The following HTRA1 variants were observed in gnomAD, a reference collection of about 807,000 sequenced individuals.
HTRA1 encodes HtrA serine peptidase 1.
A neutral mutation model predicts 49.7 loss-of-function variants in HTRA1; 26 were observed. That is an observed-to-expected ratio of 0.52 (90% CI 0.38 to 0.73). HTRA1 has a LOEUF of 0.73. Among genes scored for constraint, HTRA1 ranks in the 30% least tolerant of loss-of-function variants. HTRA1 has a pLI of 0.00. For missense variants in HTRA1, 561 were observed against 667.2 expected, an observed-to-expected ratio of 0.84 and a Z score of 1.75; for synonymous variants, 291 against 286.9, an observed-to-expected ratio of 1.01 and a Z score of -0.14.
At position 122,514,413 on chromosome 10, in the gene HTRA1, C is replaced by T. The variant is rs750236715; in HGVS notation, c.*54C>T. The T allele has an allele frequency of 7.9e-5, 123 of 1,559,408 alleles. No homozygotes were observed. Among genetic ancestry groups the T allele is most frequent in the South Asian group, 1.4e-4 (13 of 89,714 alleles). ...CCCTCAAAGACTCTCCCGTGGATGA[C>T]GGATGAGGACTCTGGGCTGCTGGAA... is the stretch of plus-strand genomic sequence containing the variant. On this transcript the variant is annotated 3_prime_UTR_variant, in exon 9 of 9. Coordinates refer to ENST00000368984, the MANE Select transcript of HTRA1 (RefSeq NM_002775.5).
Position 122,506,908 on chromosome 10 carries a change from G to A in HTRA1, c.972+23G>A. 1 of 1,607,806 alleles carries A rather than the reference G, an allele frequency of 6.2e-7. No homozygotes were observed. On this transcript the variant is annotated intron_variant, in intron 4 of 8. Coordinates refer to ENST00000368984, the MANE Select transcript of HTRA1 (RefSeq NM_002775.5). This position sits in a 1 kb window ranked among gnomAD's most constrained non-coding sequence, Gnocchi z 5.2. ...AACGTGAGCCTCTGTCCCTCTGCGG[G>A]TGGGGATTGGGGCAGAGTTTTGCCA...
Position 122,480,486 on chromosome 10 carries a change from G to C in HTRA1, c.473-8416G>C, listed in dbSNP as rs372211464. Among the ~76,000 whole-genome samples the C allele has an allele frequency of 5.9e-5, 9 of 152,316 alleles. No homozygotes were observed. In the South Asian group the frequency reaches 1.7e-3, roughly 28 times the overall value. Reference sequence around the variant, plus strand: ...CCAGTGTGGGGAGAGAGCTGGCCTGGGAGTCTAATGGGAATGCCAGGGAAA... The same window carrying C: ...CCAGTGTGGGGAGAGAGCTGGCCTGCGAGTCTAATGGGAATGCCAGGGAAA... On this transcript the variant is annotated intron_variant, in intron 1 of 8. Transcript: ENST00000368984.
At chr10:122,470,662 T>G (rs1310273670) in intron 1 of HTRA1, among the ~76,000 whole-genome samples, 1 of 151,696 alleles carries the variant, frequency 6.6e-6, no homozygotes, top group Non-Finnish European at 1.5e-5. Flanking sequence ...AGCACTGAAG[T>G]CCAATGATAC....
At chr10:122,495,233 T>C (rs1325773410) in intron 3 of HTRA1, among the ~76,000 whole-genome samples, 1 of 152,236 alleles carries the variant, frequency 6.6e-6, no homozygotes, top group Non-Finnish European at 1.5e-5. Context: ...TCTGTGTTTT[T>C]CCATTTTGGA....
At chr10:122,482,456 G>A (rs1189149095) in intron 1 of HTRA1, among the ~76,000 whole-genome samples, 3 of 152,136 alleles carry the variant, frequency 2.0e-5, no homozygotes, top group African/African-American at 7.2e-5. Flanking sequence ...TAGAAAACCT[G>A]AAATATCGAT....
Position 122,506,594 on chromosome 10 carries a change from C to A in HTRA1, c.778-97C>A. On this transcript the variant is annotated intron_variant, in intron 3 of 8. Transcript: ENST00000368984. This position sits in a 1 kb window ranked among gnomAD's most constrained non-coding sequence, Gnocchi z 5.2. The stretch of plus-strand genomic sequence containing the variant: ...CACCGGGCCTGGTGTTTCCAAATAG[C>A]CCGTCACTGTCCCTGCTTGGTTTTC... 4.7e-6 allele frequency: 5 copies of A among 1,064,022 alleles called. No homozygotes were observed. Among genetic ancestry groups the A allele is most frequent in the Non-Finnish European group, 7.2e-6 (5 of 694,912 alleles). The allele number at this position is 1,064,022 out of a possible 1,614,324, so 65.9% of individuals were successfully genotyped here.
chr10:122,466,860 G>C (rs2097483990), intron 1 of HTRA1, among the ~76,000 whole-genome samples: 1 of 152,176 alleles, frequency 6.6e-6, no homozygotes, highest in South Asian at 2.1e-4. Flanking sequence ...ATGAGTCTCT[G>C]CCTGCTCTGG....
In HTRA1 at chr10:122,494,441, C is replaced by T. The variant is rs989967530; in HGVS notation, c.777+4815C>T. 2.0e-5 allele frequency among the ~76,000 whole-genome samples: 3 copies of T among 152,180 alleles called. No individual in the cohort carries two copies. The highest frequency in any genetic ancestry group is 4.8e-5 in the African/African-American group (2 of 41,444). On this transcript the variant is annotated intron_variant, in intron 3 of 8. Coordinates refer to ENST00000368984, the MANE Select transcript of HTRA1 (RefSeq NM_002775.5). This position sits in a 1 kb window ranked among gnomAD's most constrained non-coding sequence, Gnocchi z 4.0. ...GCTGGCTGCAGATGCCCCTGCCTCC[C>T]GGCTTTGCCTGCTTGGAGTTTGATG...
chr10:122,510,440 C>CGTG (rs1168864440), intron 7 of HTRA1, among the ~76,000 whole-genome samples: 2 of 152,090 alleles, frequency 1.3e-5, no homozygotes, highest in East Asian at 3.8e-4. Flanking sequence ...ACAGTGTGTG[C>CGTG]GTGGTGGGGC....
In HTRA1 at chr10:122,489,580, A is replaced by T; in HGVS notation, c.731A>T (p.Asp244Val). 3 of 1,614,148 alleles carry T rather than the reference A, an allele frequency of 1.9e-6. No homozygotes were observed. The highest frequency in any genetic ancestry group is 2.5e-6 in the Non-Finnish European group (3 of 1,180,012). ...GCCACTTACGAAGCCAAAATCAAGG[A>T]TGTGGATGAGAAAGCAGACATCGCA... Reference protein sequence around the residue: ...NGATYEAKIKDVDEKADIALI... With the variant: ...NGATYEAKIKVVDEKADIALI... The change falls in exon 3 of 9, where the codon GAT becomes GTT. Residue 244 changes from aspartate (D) to valine (V), a missense_variant. Physicochemically the swap from Asp to Val is radical, Grantham distance 152. Transcript: ENST00000368984.
At chr10:122,507,202 G>A (rs913532898) in intron 4 of HTRA1, among the ~76,000 whole-genome samples, 168 bp from the exon 5 acceptor site, 1 of 152,124 alleles carries the variant, frequency 6.6e-6, no homozygotes, top group Non-Finnish European at 1.5e-5. Flanking sequence ...TCTGAAAATT[G>A]TTAAGGTCAT....
intron 6 of HTRA1, among the ~76,000 whole-genome samples, chr10:122,509,103 C>T (rs1280269282): frequency 6.6e-6 from 1 of 152,138 alleles, no homozygotes; most frequent in Non-Finnish European, 1.5e-5. Flanking sequence ...TCCCATTTTG[C>T]TGATGAGAAA....
chr10:122,484,509 C>T (rs1336734367), intron 1 of HTRA1, among the ~76,000 whole-genome samples: 32 of 152,212 alleles, frequency 2.1e-4, no homozygotes, highest in Non-Finnish European at 2.2e-4. Context: ...CCCTTTACCT[C>T]TCTGCTGTGC....
chr10:122,504,425 C>T (rs541472528), intron 3 of HTRA1, among the ~76,000 whole-genome samples: 4 of 152,298 alleles, frequency 2.6e-5, no homozygotes, highest in South Asian at 2.1e-4. Flanking sequence ...AGCCCTGCCT[C>T]GTAACTTTCT....
chr10:122,495,146 A>T (rs1188448354), intron 3 of HTRA1, among the ~76,000 whole-genome samples: 1 of 152,190 alleles, frequency 6.6e-6, no homozygotes, highest in Non-Finnish European at 1.5e-5. Context: ...TTCTGGAGTC[A>T]TCTGTCACTC....
chr10:122,510,035 G>C (rs1323884648), intron 6 of HTRA1, 61 bp from the exon 7 acceptor site: 24 of 1,447,996 alleles, frequency 1.7e-5, no homozygotes, highest in Admixed American at 8.4e-5. Context: ...CCGGCCCCTG[G>C]TGTCCCCAGC....
At chr10:122,474,416 T>G (rs114306240) in intron 1 of HTRA1, among the ~76,000 whole-genome samples, 2,688 of 152,224 alleles carry the variant, frequency 0.018, 101 homozygotes, top group African/African-American at 0.062. Context: ...CAGGGGCTCG[T>G]TCACCATCAC....
In HTRA1 at chr10:122,490,244, G is replaced by T. The variant is rs2097495113; in HGVS notation, c.777+618G>T. Among the ~76,000 whole-genome samples the T allele has an allele frequency of 6.6e-6, 1 of 152,154 alleles. No homozygotes were observed. Among genetic ancestry groups the T allele is most frequent in the Non-Finnish European group, 1.5e-5 (1 of 68,028 alleles). Reference sequence around the variant, plus strand: ...TGTGCACGTGGCTTGCCTACAAAAGGGTGTTGACTGAACTATTTGCCCAAA... The same window carrying T: ...TGTGCACGTGGCTTGCCTACAAAAGTGTGTTGACTGAACTATTTGCCCAAA... On this transcript the variant is annotated intron_variant, in intron 3 of 8. Transcript: ENST00000368984. This position sits in a 1 kb window ranked among gnomAD's most constrained non-coding sequence, Gnocchi z 4.2.
intron 3 of HTRA1, among the ~76,000 whole-genome samples, chr10:122,505,427 G>A (rs1445918968): frequency 1.3e-5 from 2 of 152,098 alleles, no homozygotes; most frequent in East Asian, 1.9e-4. Flanking sequence ...GTGGTGTGGC[G>A]TGGCACTGTG....
Sources: allele counts gnomAD v4.1 joint callset (sites outside exome capture counted in the v4.1 genomes callset), GRCh38; gene constraint gnomAD v4.1.1; non-coding constraint Gnocchi (gnomAD v3.1); transcripts MANE v1.5; gene names NCBI Gene and HGNC (gene_info 2026-07-23, HGNC 2026-07-21).